The following NOL4L variants were observed in gnomAD, a reference collection of about 807,000 sequenced individuals.
NOL4L encodes the protein nucleolar protein 4 like.
Under a neutral mutation model 64.5 loss-of-function variants are expected in NOL4L, and 7 were observed. The ratio of observed to expected loss-of-function variants is 0.11; its 90% CI spans 0.06 to 0.20. NOL4L has a LOEUF of 0.20. Among genes scored for constraint, NOL4L ranks in the 10% least tolerant of loss-of-function variants. The pLI is 1.00. For missense variants in NOL4L, 680 were observed against 967.1 expected (o/e 0.70, Z 3.94); for synonymous variants, 413 against 401.0 (o/e 1.03, Z -0.36).
chr20:32,558,999 C>T (rs1395437364), intron 1 of NOL4L, among the ~76,000 whole-genome samples: 2 of 152,122 alleles, frequency 1.3e-5, no homozygotes, highest in Non-Finnish European at 2.9e-5. Context: ...GATAGTGTGT[C>T]CCGTATCTCC....
At chr20:32,516,708 C>T (rs1409414186) in intron 3 of NOL4L, among the ~76,000 whole-genome samples, 4 of 152,172 alleles carry the variant, frequency 2.6e-5, no homozygotes. Flanking sequence ...CACAGTCCCA[C>T]AGCAAGCAAG....
intron 5 of NOL4L, among the ~76,000 whole-genome samples, chr20:32,459,054 C>T (rs2013809334): frequency 6.6e-6 from 1 of 152,186 alleles, no homozygotes; most frequent in Admixed American, 6.5e-5. Context: ...AGTGCCGGGG[C>T]AGAACCTCCC....
chr20:32,571,812 C>A (rs907358863), intron 1 of NOL4L, among the ~76,000 whole-genome samples: 1 of 152,234 alleles, frequency 6.6e-6, no homozygotes, highest in Non-Finnish European at 1.5e-5. Flanking sequence ...AGGCCCCACC[C>A]GCTGAGGGCA....
In NOL4L at chr20:32,468,302, T is replaced by C. The variant is rs145677764; in HGVS notation, c.841+6299A>G. ...CCTGGCTGTGGCCTCTCTGCCCTTC[T>C]CTCCTGGTTGGAGCTTGGGGTCATA... On this transcript the variant is annotated intron_variant, in intron 5 of 10. Coordinates refer to ENST00000621426, the MANE Select transcript of NOL4L (RefSeq NM_001256798.2). Among the ~76,000 whole-genome samples, 129 of 152,144 alleles carry C rather than the reference T, an allele frequency of 8.5e-4. 1 individual carries two copies. The highest frequency in any genetic ancestry group is 1.5e-3 in the Non-Finnish European group (103 of 67,990).
chr20:32,462,155 A>G (rs2014130042), intron 5 of NOL4L, among the ~76,000 whole-genome samples: 1 of 152,204 alleles, frequency 6.6e-6, no homozygotes, highest in Non-Finnish European at 1.5e-5. Context: ...CGCTGGGGAA[A>G]GCAGGGCTGA....
intron 4 of NOL4L, among the ~76,000 whole-genome samples, chr20:32,496,434 A>C (rs2016689775): frequency 6.6e-6 from 1 of 152,090 alleles, no homozygotes; most frequent in Non-Finnish European, 1.5e-5. Context: ...GTGAGCTCCT[A>C]GGGATGGGTA....
chr20:32,491,430 G>A (rs975740385), intron 4 of NOL4L, among the ~76,000 whole-genome samples: 2 of 152,162 alleles, frequency 1.3e-5, no homozygotes, highest in Non-Finnish European at 2.9e-5. Context: ...ACAGACTGCC[G>A]CCCAGCTGGC....
At chr20:32,503,251 A>G (rs2016997549) in intron 4 of NOL4L, among the ~76,000 whole-genome samples, 1 of 152,236 alleles carries the variant, frequency 6.6e-6, no homozygotes, top group South Asian at 2.1e-4. Context: ...ATAGATTCTC[A>G]GATACTGAAA....
chr20:32,481,164 G>A (rs746160067), intron 4 of NOL4L, among the ~76,000 whole-genome samples: 6 of 152,202 alleles, frequency 3.9e-5, no homozygotes, highest in Non-Finnish European at 8.8e-5. Context: ...CTGGAAGTGA[G>A]CATTTCCCAC....
At chr20:32,561,643 G>C (rs912145095) in intron 1 of NOL4L, among the ~76,000 whole-genome samples, 2 of 152,106 alleles carry the variant, frequency 1.3e-5, no homozygotes, top group African/African-American at 2.4e-5. Context: ...GCCAGGGTTG[G>C]GCTTGGGGAC....
intron 4 of NOL4L, among the ~76,000 whole-genome samples, chr20:32,500,083 C>T (rs919396082): frequency 2.1e-5 from 3 of 141,166 alleles, no homozygotes; most frequent in African/African-American, 9.5e-5. Flanking sequence ...AGCATAAGCT[C>T]CAAATGGATC....
chr20:32,511,298 G>A lies in NOL4L; in HGVS notation c.699+49C>T, dbSNP rs747672294. 6.6e-6 allele frequency: 8 copies of A among 1,211,228 alleles called. No homozygotes were observed. In the Middle Eastern group the frequency reaches 1.7e-3, roughly 255 times the overall value. The allele number at this position is 1,211,228 out of a possible 1,614,324, so 75.0% of individuals were successfully genotyped here. A position where few individuals can be genotyped will look rare whatever the true frequency, so the allele number is the denominator to read the frequency against. On this transcript the variant is annotated intron_variant, in intron 4 of 10. Transcript: ENST00000621426. Reference sequence around the variant, plus strand: ...TCTTGGAAAGAATCAACCACCGCCAGGCAAGTCAGGACGCCTCCAGGTGGG... The same window carrying A: ...TCTTGGAAAGAATCAACCACCGCCAAGCAAGTCAGGACGCCTCCAGGTGGG...
At chr20:32,474,958 C>CTT (rs1255887810) in intron 4 of NOL4L, 1 of 985,216 alleles carries the variant, frequency 1.0e-6, no homozygotes, top group Admixed American at 6.1e-5. Context: ...GGCTAAGGGC[C>CTT]GGCACTGTCT....
Position 32,474,722 on chromosome 20 carries a change from G to A in NOL4L, c.720C>T (p.Ser240=), listed in dbSNP as rs372463672. 9.2e-5 allele frequency: 149 copies of A among 1,612,512 alleles called. 1 individual carries two copies. The highest frequency in any genetic ancestry group is 1.1e-4 in the Non-Finnish European group (131 of 1,179,404). ...TGGAGTCGCTCATATCAAAATCCTC[G>A]CTGCTCACAGAAGTCTCATCCTGAG... The part of the protein sequence containing the change: ...SQEQDETSVS[S]EDFDMSDSTW... Residue 240 remains serine, a synonymous_variant, in exon 5 of 11, where the codon AGC becomes AGT. Coordinates refer to ENST00000621426, the MANE Select transcript of NOL4L (RefSeq NM_001256798.2).
At chr20:32,527,955 G>C in intron 1 of NOL4L, 42 bp from the exon 2 acceptor site, 1 of 1,537,306 alleles carries the variant, frequency 6.5e-7, no homozygotes, top group Non-Finnish European at 8.8e-7. Context: ...CAGGAATGAT[G>C]GCGGGGTGAG....
intron 4 of NOL4L, chr20:32,483,559 A>AGCGGCG: frequency 1.0e-6 from 1 of 959,176 alleles, no homozygotes; most frequent in South Asian, 4.9e-5. Context: ...CCAGGCGAGC[A>AGCGGCG]GCGGCGGCAG....
chr20:32,562,679 G>T (rs1979106704), intron 1 of NOL4L, among the ~76,000 whole-genome samples: 1 of 151,952 alleles, frequency 6.6e-6, no homozygotes. Context: ...AATGCTCCCG[G>T]CCTGGTATCC....
rs1177500049 is a variant in NOL4L, at chr20:32,464,409, C to A, written c.842-8014G>T. Among the ~76,000 whole-genome samples, 4 of 152,326 alleles carry A rather than the reference C, an allele frequency of 2.6e-5. No homozygotes were observed. In the East Asian group the frequency reaches 7.7e-4, roughly 29 times the overall value. On this transcript the variant is annotated intron_variant, in intron 5 of 10. Transcript: ENST00000621426. This position sits in a 1 kb window ranked among gnomAD's most constrained non-coding sequence, Gnocchi z 5.6. ...CATTCTCCACGTGGCCCTCAGGCCC[C>A]AGCTGCCTGCACAGCTGCCCTCCTG... is the stretch of plus-strand genomic sequence containing the variant.
At chr20:32,454,062 T>C in intron 6 of NOL4L, 1 of 370,806 alleles carries the variant, frequency 2.7e-6, no homozygotes, top group Non-Finnish European at 5.1e-6. Context: ...AGCTGTTTCC[T>C]CAGCAGAGGC....
Sources: gnomAD v4.1 joint callset for allele counts (sites outside exome capture counted in the v4.1 genomes callset) on GRCh38, gnomAD v4.1.1 for gene constraint, Gnocchi (gnomAD v3.1) non-coding constraint, MANE v1.5 for transcripts, NCBI Gene and HGNC (gene_info 2026-07-23, HGNC 2026-07-21) for gene names.